Variants in CPNE1 observed in about 807,000 individuals in gnomAD.
CPNE1 encodes copine-1.
A neutral mutation model predicts 63.2 loss-of-function variants in CPNE1; 58 were observed. That is an observed-to-expected ratio of 0.92 (90% CI 0.74 to 1.14). CPNE1 has a LOEUF of 1.14. CPNE1 is among the 50% of genes most tolerant of loss of function. CPNE1 has a pLI of 0.00. For missense variants in CPNE1, 672 were observed against 661.7 expected (o/e 1.02, Z -0.17); for synonymous variants, 237 against 249.0 (o/e 0.95, Z 0.45).
At chr20:35,633,078 T>C (rs1294319683) in intron 1 of CPNE1, among the ~76,000 whole-genome samples, 155 bp from the exon 2 acceptor site, 1 of 151,398 alleles carries the variant, frequency 6.6e-6, no homozygotes, top group African/African-American at 2.4e-5. Context: ...CCTCATAGCC[T>C]CCAAACCCCT....
chr20:35,657,859 A>G (rs1384872251), intron 1 of CPNE1, among the ~76,000 whole-genome samples: 1 of 152,068 alleles, frequency 6.6e-6, no homozygotes, highest in African/African-American at 2.4e-5. Context: ...TCAGGAGTTC[A>G]AGACCAGCCT....
At chr20:35,657,927 T>A (rs1201390877) in intron 1 of CPNE1, among the ~76,000 whole-genome samples, 1 of 152,092 alleles carries the variant, frequency 6.6e-6, no homozygotes, top group African/African-American at 2.4e-5. Context: ...CTGGGCATGG[T>A]GGCAGGTGCC....
intron 1 of CPNE1, among the ~76,000 whole-genome samples, chr20:35,656,296 C>G (rs761968985): frequency 1.5e-4 from 23 of 152,336 alleles, no homozygotes; most frequent in Non-Finnish European, 2.8e-4. Context: ...TGGACCTACA[C>G]AACTCCTACA....
rs572574685 is a variant in CPNE1, at chr20:35,663,801, C to T, written c.-1+959G>A. Reference sequence around the variant, plus strand: ...AGCCTGCTGCACTGGCGTCCAACCCCGTCACTAACCTGTAGATCCTCAAAG... The same window carrying T: ...AGCCTGCTGCACTGGCGTCCAACCCTGTCACTAACCTGTAGATCCTCAAAG... On this transcript the variant is annotated intron_variant, in intron 1 of 15. Coordinates refer to ENST00000397443, the MANE Select transcript of CPNE1 (RefSeq NM_152925.3). Among the ~76,000 whole-genome samples the T allele has an allele frequency of 3.3e-5, 5 of 152,288 alleles. No homozygotes were observed. In the South Asian group the frequency reaches 1.0e-3, roughly 32 times the overall value.
intron 1 of CPNE1, chr20:35,664,399 G>A (rs1417181347): frequency 1.3e-5 from 2 of 152,268 alleles, no homozygotes; most frequent in African/African-American, 2.4e-5. Context: ...TGCTTCACTG[G>A]GGGAGACAAG....
At chr20:35,633,675 G>A (rs539840233) in intron 1 of CPNE1, among the ~76,000 whole-genome samples, 1 of 152,228 alleles carries the variant, frequency 6.6e-6, no homozygotes, top group Admixed American at 6.5e-5. Context: ...AAGTGAGGCC[G>A]GACACAGTGG....
chr20:35,631,320 T>C lies in CPNE1; in HGVS notation c.749A>G (p.Gln250Arg), dbSNP rs1182317687. 1.2e-6 allele frequency: 2 copies of C among 1,614,180 alleles called. No individual in the cohort carries two copies. The highest frequency in any genetic ancestry group is 2.7e-5 in the African/African-American group (2 of 75,040). The change falls in exon 9 of 16, where the codon CAG becomes CGG. Residue 250 changes from glutamine to arginine, a missense_variant. Coordinates refer to ENST00000397443, the MANE Select transcript of CPNE1 (RefSeq NM_152925.3). ...EFECIHPEKQ[Q>R]KKKSYKNSGT... The stretch of plus-strand genomic sequence containing the variant: ...AGAGTTCTTGTAGCTTTTCTTTTTC[T>C]GCTGCTTCTCAGGGTGGATGCATTC...
chr20:35,647,821 G>A (rs778185122), intron 1 of CPNE1, among the ~76,000 whole-genome samples: 8 of 151,480 alleles, frequency 5.3e-5, no homozygotes, highest in Non-Finnish European at 1.0e-4. Context: ...TTGGGAGGCC[G>A]AGGTGGGCGG....
intron 13 of CPNE1, among the ~76,000 whole-genome samples, chr20:35,628,393 T>C (rs934144383): frequency 1.3e-5 from 2 of 151,750 alleles, no homozygotes; most frequent in African/African-American, 2.4e-5. Flanking sequence ...ACTTACTAAA[T>C]AGAAAGGAGA....
chr20:35,656,035 A>C (rs2033879629), intron 1 of CPNE1, among the ~76,000 whole-genome samples: 2 of 152,252 alleles, frequency 1.3e-5, no homozygotes, highest in African/African-American at 4.8e-5. Context: ...AGAAGCCAAA[A>C]GAACTACTGA....
intron 1 of CPNE1, among the ~76,000 whole-genome samples, chr20:35,642,351 C>T (rs931749097): frequency 2.0e-5 from 3 of 152,170 alleles, no homozygotes; most frequent in African/African-American, 7.2e-5. Flanking sequence ...AAGAAGGTGG[C>T]ATAGAGGGCT....
intron 1 of CPNE1, chr20:35,654,369 A>G (rs1356564616): frequency 1.2e-6 from 2 of 1,613,994 alleles, no homozygotes; most frequent in African/African-American, 2.7e-5. Flanking sequence ...CTCTGACATC[A>G]TTTTCCATTG....
chr20:35,630,440 T>TGCA lies in CPNE1; in HGVS notation c.1098_1100dup (p.Ala367dup), dbSNP rs765674358. Reference sequence around the variant, plus strand: ...CTCAGGGTGGATGGGGAAACTTACCTGCACAGTAGGGGTTACTGGGGTTGA... The same window carrying TGCA: ...CTCAGGGTGGATGGGGAAACTTACCTGCAGCACAGTAGGGGTTACTGGGGTTGA... On this transcript the variant is annotated inframe_insertion and splice_region_variant, in exon 13 of 16. Transcript: ENST00000397443. The TGCA allele has an allele frequency of 6.2e-7, 1 of 1,614,102 alleles. No homozygotes were observed. The highest frequency in any genetic ancestry group is 1.1e-5 in the South Asian group (1 of 91,084).
rs138607260 is a variant in CPNE1, at chr20:35,630,833, G to A, written c.996-38C>T. On this transcript the variant is annotated intron_variant, in intron 11 of 15. Coordinates refer to ENST00000397443, the MANE Select transcript of CPNE1 (RefSeq NM_152925.3). ...AGTGTATTGGGCAAAAGGCAGTGAGGGGACTGTAAGCTCAGAGGCTGAAGC... is the reference window on the plus strand; with the variant it reads ...AGTGTATTGGGCAAAAGGCAGTGAGAGGACTGTAAGCTCAGAGGCTGAAGC... The A allele has an allele frequency of 3.1e-6, 5 of 1,607,428 alleles. No individual in the cohort carries two copies. In the African/African-American group the frequency reaches 5.4e-5, roughly 17 times the overall value.
intron 1 of CPNE1, among the ~76,000 whole-genome samples, chr20:35,635,604 CTT>C (rs760065602): frequency 3.9e-5 from 6 of 152,164 alleles, no homozygotes; most frequent in Non-Finnish European, 7.3e-5. Context: ...CCTCAGACCT[CTT>C]GTTATCCCTG....
At chr20:35,633,142 G>T (rs2032277864) in intron 1 of CPNE1, among the ~76,000 whole-genome samples, 1 of 152,090 alleles carries the variant, frequency 6.6e-6, no homozygotes, top group South Asian at 2.1e-4. Context: ...ACCAACCCTG[G>T]TCTGAAGATA....
chr20:35,663,599 G>A (rs1363294040), intron 1 of CPNE1, among the ~76,000 whole-genome samples: 1 of 152,138 alleles, frequency 6.6e-6, no homozygotes, highest in Non-Finnish European at 1.5e-5. Flanking sequence ...GAGCCAAGGA[G>A]GGTTTTAGGG....
chr20:35,655,327 C>T (rs1212031080), intron 1 of CPNE1: 4 of 1,602,008 alleles, frequency 2.5e-6, no homozygotes, highest in African/African-American at 1.3e-5. Context: ...AGCCATGCTG[C>T]GCTGAAACCA....
At chr20:35,637,009 G>A (rs1406716741) in intron 1 of CPNE1, among the ~76,000 whole-genome samples, 1 of 151,976 alleles carries the variant, frequency 6.6e-6, no homozygotes, top group African/African-American at 2.4e-5. Flanking sequence ...ATACTGTTTT[G>A]TATTTTTTAA....
Sources: allele counts gnomAD v4.1 joint callset (sites outside exome capture counted in the v4.1 genomes callset), GRCh38; gene constraint gnomAD v4.1.1; transcripts MANE v1.5; gene names NCBI Gene and HGNC (gene_info 2026-07-23, HGNC 2026-07-21).